Variants in ABCB4 observed in about 807,000 individuals in gnomAD.
ABCB4 encodes the protein phosphatidylcholine translocator ABCB4.
A neutral mutation model predicts 145.7 loss-of-function variants in ABCB4; 76 were observed. That is an observed-to-expected ratio of 0.52 (90% CI 0.43 to 0.63). ABCB4 has a LOEUF of 0.63. Ranked by LOEUF, ABCB4 falls within the 30% of genes least tolerant of loss-of-function variation. The probability of loss-of-function intolerance (pLI) is 0.00; values close to 1 mark genes in which losing one functional copy is unlikely to be tolerated. For synonymous variants in ABCB4, 517 were observed against 566.8 expected (o/e 0.91, Z 1.25); for missense variants, 1,234 against 1,553.1 (o/e 0.79, Z 3.45).
chr7:87,461,676 A>G (rs1812469258), intron 4 of ABCB4, among the ~76,000 whole-genome samples: 1 of 152,194 alleles, frequency 6.6e-6, no homozygotes, highest in Admixed American at 6.5e-5. Flanking sequence ...AAATAAATAA[A>G]CTTTTATAGG....
Position 87,447,986 on chromosome 7 carries a change from C to T in ABCB4, c.834-781G>A, listed in dbSNP as rs956767801. On this transcript the variant is annotated intron_variant, in intron 8 of 27. Coordinates refer to ENST00000649586, the MANE Select transcript of ABCB4 (RefSeq NM_000443.4). ...ATTATATTAGTATCATTGTGTTCAA[C>T]TTTTATCTCTTCCTGAGTTTTGCTC... 2.6e-5 allele frequency among the ~76,000 whole-genome samples: 4 copies of T among 152,112 alleles called. No individual in the cohort carries two copies. The East Asian group carries it at 5.8e-4, about 22-fold the overall frequency.
chr7:87,371,673 A>G, the ABCB4 span, among the ~76,000 whole-genome samples: 6 of 152,186 alleles, frequency 3.9e-5, no homozygotes, highest in Non-Finnish European at 8.8e-5. Context: ...ATCATTGTTG[A>G]CATGGTACTA....
intron 8 of ABCB4, among the ~76,000 whole-genome samples, chr7:87,449,143 C>T (rs191032576): frequency 1.0e-3 from 152 of 152,156 alleles, no homozygotes; most frequent in African/African-American, 3.6e-3. Flanking sequence ...CAACATGCCT[C>T]CAGATACTGG....
intron 3 of ABCB4, among the ~76,000 whole-genome samples, chr7:87,471,528 TA>T (rs1434382825): frequency 2.6e-5 from 4 of 152,130 alleles, no homozygotes; most frequent in African/African-American, 9.7e-5. Flanking sequence ...AGACAATGAA[TA>T]GGGGCTTTTG....
At chr7:87,466,159 T>G (rs1812880731) in intron 3 of ABCB4, among the ~76,000 whole-genome samples, 1 of 152,090 alleles carries the variant, frequency 6.6e-6, no homozygotes, top group South Asian at 2.1e-4. Context: ...GAAAAAAGAA[T>G]AGATGAATGG....
chr7:87,400,060 A>T (rs1393543277), downstream of ABCB4, among the ~76,000 whole-genome samples: 3 of 152,086 alleles, frequency 2.0e-5, no homozygotes, highest in Non-Finnish European at 4.4e-5. Context: ...ATGGTCTCTG[A>T]TCATCTAGTA....
chr7:87,378,656 A>C, the ABCB4 span, among the ~76,000 whole-genome samples: 2 of 152,144 alleles, frequency 1.3e-5, no homozygotes, highest in African/African-American at 4.8e-5. Context: ...CTTTGTTTCC[A>C]ATGGTTACAG....
At chr7:87,462,277 T>C (rs1247126721) in intron 4 of ABCB4, among the ~76,000 whole-genome samples, 1 of 152,182 alleles carries the variant, frequency 6.6e-6, no homozygotes, top group Non-Finnish European at 1.5e-5. Context: ...CCAGTCAATC[T>C]GGTTGATCCA....
At chr7:87,457,117 C>T (rs1387802287) in intron 4 of ABCB4, among the ~76,000 whole-genome samples, 7 of 152,168 alleles carry the variant, frequency 4.6e-5, no homozygotes, top group Non-Finnish European at 1.0e-4. Flanking sequence ...CAGAGCATCA[C>T]ATTTTTATAA....
intron 21 of ABCB4, among the ~76,000 whole-genome samples, chr7:87,413,971 G>A (rs542548175): frequency 3.9e-5 from 6 of 152,336 alleles, no homozygotes; most frequent in Admixed American, 3.9e-4. Flanking sequence ...CAAGAACTGT[G>A]GCCTGGGAAC....
chr7:87,463,190 G>T (rs1055692791), intron 3 of ABCB4, among the ~76,000 whole-genome samples: 6 of 151,806 alleles, frequency 4.0e-5, no homozygotes, highest in African/African-American at 7.3e-5. Context: ...AATATTATTT[G>T]ATATCCCAGA....
chr7:87,410,018 T>C (rs1356341322), intron 23 of ABCB4, among the ~76,000 whole-genome samples: 1 of 152,200 alleles, frequency 6.6e-6, no homozygotes, highest in African/African-American at 2.4e-5. Context: ...CAAACCCCCA[T>C]GACATGAGTT....
In ABCB4 at chr7:87,411,955, A is replaced by C. The variant is rs2116406155; in HGVS notation, c.2862T>G (p.Gly954=). 6.2e-7 allele frequency: 1 copy of C among 1,613,954 alleles called. No individual in the cohort carries two copies. Among genetic ancestry groups the C allele is most frequent in the East Asian group, 2.2e-5 (1 of 44,854 alleles). ...SQAFMYFSYA[G]CFRFGAYLIV... ...TGAGATATGCACCAAATCGAAAACA[A>C]CCGGCATAGGAAAAATACATAAATG... Residue 954 remains glycine (G), a synonymous_variant, in exon 23 of 28, where the codon GGT becomes GGG. Transcript: ENST00000649586.
At chr7:87,427,773 A>C (rs1049678815) in intron 15 of ABCB4, among the ~76,000 whole-genome samples, 7 of 152,154 alleles carry the variant, frequency 4.6e-5, no homozygotes, top group Non-Finnish European at 8.8e-5. Flanking sequence ...CCAGTTGCTC[A>C]TTCAACATCT....
At chr7:87,386,372 T>C in the ABCB4 span, among the ~76,000 whole-genome samples, 50 of 152,298 alleles carry the variant, frequency 3.3e-4, no homozygotes, top group African/African-American at 1.2e-3. Flanking sequence ...GTTTTCTATG[T>C]CTTTATGTTT....
intron 6 of ABCB4, 112 bp downstream of exon 6, chr7:87,452,832 T>G (rs1811837706): frequency 2.4e-6 from 3 of 1,225,412 alleles, no homozygotes; most frequent in Admixed American, 1.9e-5. Context: ...CGATTTCTAA[T>G]ATAGATCAGA....
intron 12 of ABCB4, among the ~76,000 whole-genome samples, chr7:87,443,059 T>C (rs1584746700): frequency 6.6e-6 from 1 of 152,200 alleles, no homozygotes; most frequent in Non-Finnish European, 1.5e-5. Flanking sequence ...GTAGACTGCT[T>C]TGCAGTAATT....
intron 16 of ABCB4, 88 bp from the exon 17 acceptor site, chr7:87,424,140 C>A (rs1809647018): frequency 5.1e-6 from 8 of 1,560,714 alleles, no homozygotes; most frequent in Non-Finnish European, 5.3e-6. Flanking sequence ...CCATTGCCCT[C>A]AAGGGACTCG....
At chr7:87,472,352 A>C (rs552461735) in intron 3 of ABCB4, among the ~76,000 whole-genome samples, 2 of 152,240 alleles carry the variant, frequency 1.3e-5, no homozygotes, top group Admixed American at 1.3e-4. Context: ...CTGGGACTAC[A>C]GGTTCATGCC....
Sources: gnomAD v4.1 joint callset for allele counts (sites outside exome capture counted in the v4.1 genomes callset) on GRCh38, gnomAD v4.1.1 for gene constraint, MANE v1.5 for transcripts, NCBI Gene and HGNC (gene_info 2026-07-23, HGNC 2026-07-21) for gene names.